Variants in JRKL observed in about 807,000 individuals in gnomAD.
The protein encoded by JRKL is JRK like.
In JRKL, 25 loss-of-function variants were observed where a neutral mutation model predicts 34.7. The ratio of observed to expected loss-of-function variants is 0.72; its 90% CI spans 0.53 to 1.01. The LOEUF is 1.01. Ranked by LOEUF, JRKL falls within the 50% of genes least tolerant of loss-of-function variation. The pLI, the probability that JRKL is intolerant of heterozygous loss-of-function variation, is 0.00. For missense variants in JRKL, 495 were observed against 615.7 expected, an observed-to-expected ratio of 0.80 and a Z score of 2.07; for synonymous variants, 204 against 212.8, an observed-to-expected ratio of 0.96 and a Z score of 0.36.
Position 96,391,520 on chromosome 11 carries a change from T to G in JRKL, c.871T>G (p.Leu291Val). 6.4e-7 allele frequency: 1 copy of G among 1,554,060 alleles called. No homozygotes were observed. Among genetic ancestry groups the G allele is most frequent in the Non-Finnish European group, 8.7e-7 (1 of 1,147,992 alleles). Residue 291 changes from leucine (L) to valine (V), a missense_variant, in exon 2 of 2, where the codon TTG (leucine) becomes GTG (valine). Coordinates refer to ENST00000332349, the MANE Select transcript of JRKL (RefSeq NM_001261833.2). ...CTTGCAGGAAAAGGCTGTGCTCTTG[T>G]TGGATAATTCACCAACACATCCAAA... ...KGLQEKAVLL[L>V]DNSPTHPNEN... is the part of the protein sequence containing the mutation.
Position 96,390,524 on chromosome 11 carries a change from C to A in JRKL, c.-126C>A. 1 of 1,256,074 alleles carries A rather than the reference C, an allele frequency of 8.0e-7. No individual in the cohort carries two copies. Among genetic ancestry groups the A allele is most frequent in the Non-Finnish European group, 1.1e-6 (1 of 931,632 alleles). The allele number at this position is 1,256,074 out of a possible 1,614,324, so 77.8% of individuals were successfully genotyped here. A position where few individuals can be genotyped will look rare whatever the true frequency, so the allele number is the denominator to read the frequency against. On this transcript the variant is annotated 5_prime_UTR_variant, in exon 2 of 2. Transcript: ENST00000332349. ...CCCCAGCCCGGGAGGGGATCAGGGC[C>A]ACCAGGTTGCTGGTAAGGATGAAAG...
In JRKL at chr11:96,392,758, T is replaced by TC. The variant is rs1471060670; in HGVS notation, c.*535dup. On this transcript the variant is annotated 3_prime_UTR_variant, in exon 2 of 2. Transcript: ENST00000332349. The stretch of plus-strand genomic sequence containing the variant: ...ATTATGAATTATAGAAATTATGCCT[T>TC]CATTCTCTTACATTTGTGTGGGTTG... 6.0e-6 allele frequency: 1 copy of TC among 167,096 alleles called. No individual in the cohort carries two copies. The highest frequency in any genetic ancestry group is 1.9e-4 in the East Asian group (1 of 5,208). 10.4% of individuals were successfully genotyped at this position (167,096 alleles called of 1,614,324 possible). A position where few individuals can be genotyped will look rare whatever the true frequency, so the allele number is the denominator to read the frequency against.
In JRKL at chr11:96,390,938, A is replaced by G. The variant is rs756299965; in HGVS notation, c.289A>G (p.Ile97Val). 5.0e-6 allele frequency: 8 copies of G among 1,614,126 alleles called. No homozygotes were observed. The highest frequency in any genetic ancestry group is 1.6e-4 in the Middle Eastern group (1 of 6,084). Residue 97 changes from isoleucine (I) to valine (V), a missense_variant, in exon 2 of 2, where the codon ATA (isoleucine) becomes GTA (valine). Transcript: ENST00000332349. ...CCAGCAAAGAGCAAAAGGGAATCCC[A>G]TATCTGGACCAATTTGTGCAAAAAG... ...FNQQRAKGNPISGPICAKRAE... is the reference protein window; with the variant it reads ...FNQQRAKGNPVSGPICAKRAE...
chr11:96,393,484 T>C lies in JRKL; in HGVS notation c.*1260T>C, dbSNP rs1347427720. On this transcript the variant is annotated 3_prime_UTR_variant, in exon 2 of 2. Coordinates refer to ENST00000332349, the MANE Select transcript of JRKL (RefSeq NM_001261833.2). ...ATGAATATTAATGTAACTTGTAATT[T>C]AAAAGTAAAGTGTTTCCATGCTATT... Among the ~76,000 whole-genome samples, 1 of 152,150 alleles carries C rather than the reference T, an allele frequency of 6.6e-6. No homozygotes were observed. The highest frequency in any genetic ancestry group is 2.4e-5 in the African/African-American group (1 of 41,466).
chr11:96,391,725 A>T lies in JRKL; in HGVS notation c.1076A>T (p.Lys359Met), dbSNP rs139015567. Reference protein sequence around the residue: ...EGNDLKSFWKKLTLLDALYEI... With the variant: ...EGNDLKSFWKMLTLLDALYEI... ...AATGACCTGAAATCATTCTGGAAGA[A>T]GCTAACTCTGTTGGATGCACTTTAT... is the stretch of plus-strand genomic sequence containing the variant. Residue 359 changes from lysine (K) to methionine (M), a missense_variant, in exon 2 of 2, where the codon AAG (lysine) becomes ATG (methionine). Transcript: ENST00000332349. The T allele has an allele frequency of 6.2e-7, 1 of 1,614,192 alleles. No individual in the cohort carries two copies. The highest frequency in any genetic ancestry group is 8.5e-7 in the Non-Finnish European group (1 of 1,180,026).
Position 96,390,913 on chromosome 11 carries a change from C to T in JRKL, c.264C>T (p.Asn88=). ...ACAGGGCAATGCTGGAATGGTTCAA[C>T]CAGCAAAGAGCAAAAGGGAATCCCA... ...ELDRAMLEWF[N]QQRAKGNPIS... Residue 88 remains asparagine (N), a synonymous_variant, in exon 2 of 2, where the codon AAC becomes AAT. Transcript: ENST00000332349. 1.9e-6 allele frequency: 3 copies of T among 1,614,204 alleles called. No individual in the cohort carries two copies. The highest frequency in any genetic ancestry group is 2.5e-6 in the Non-Finnish European group (3 of 1,180,052).
rs1281866449 is a variant in JRKL, at chr11:96,391,285, G to A, written c.636G>A (p.Met212Ile). 1.3e-6 allele frequency: 2 copies of A among 1,551,632 alleles called. No homozygotes were observed. The highest frequency in any genetic ancestry group is 2.0e-5 in the Admixed American group (1 of 51,020). The change falls in exon 2 of 2, where the codon ATG becomes ATA. Residue 212 changes from methionine (M) to isoleucine (I), a missense_variant. By Grantham distance (10) the Met-to-Ile change is conservative. Transcript: ENST00000332349. ...HKSIEERVTI[M>I]CCANATGLHK... ...CAATTGAAGAAAGAGTCACAATCAT[G>A]TGTTGTGCCAATGCAACAGGTTTAC...
chr11:96,392,038 T>C lies in JRKL; in HGVS notation c.1389T>C (p.Asn463=). The C allele has an allele frequency of 6.2e-7, 1 of 1,613,704 alleles. No homozygotes were observed. The highest frequency in any genetic ancestry group is 8.5e-7 in the Non-Finnish European group (1 of 1,179,926). ...GCCAGGCAGATGAATCCAGTGAAAA[T>C]GAGGAGGAGGAAATAGAACTAATTC... ...AQGQADESSE[N]EEEEIELIPE... is the part of the protein sequence containing the mutation. Residue 463 remains asparagine, a synonymous_variant, in exon 2 of 2, where the codon AAT becomes AAC. Transcript: ENST00000332349.
At position 96,391,127 on chromosome 11, in the gene JRKL, C is replaced by A. The variant is rs769156309; in HGVS notation, c.478C>A (p.Arg160=). 1.9e-6 allele frequency: 3 copies of A among 1,612,020 alleles called. No homozygotes were observed. Among genetic ancestry groups the A allele is most frequent in the Non-Finnish European group, 2.5e-6 (3 of 1,178,774 alleles). The change falls in exon 2 of 2, where the codon CGA becomes AGA. Residue 160 remains arginine, a synonymous_variant. Coordinates refer to ENST00000332349, the MANE Select transcript of JRKL (RefSeq NM_001261833.2). ...TAVEDFCNNF[R]DFIERENLQP... ...GGTGGAAGATTTTTGTAATAACTTT[C>A]GAGATTTTATTGAACGAGAGAATTT... is the stretch of plus-strand genomic sequence containing the variant.
Position 96,390,864 on chromosome 11 carries a change from A to G in JRKL, c.215A>G (p.Lys72Arg). ...CTTTTGGCCAAGAGGAAATCTATGA[A>G]GCCATCCATGTATGAGGAATTGGAC... ...TSLLAKRKSM[K>R]PSMYEELDRA... The change falls in exon 2 of 2, where the codon AAG (lysine) becomes AGG (arginine). Residue 72 changes from lysine to arginine, a missense_variant. By Grantham distance (26) the Lys-to-Arg change is conservative. Coordinates refer to ENST00000332349, the MANE Select transcript of JRKL (RefSeq NM_001261833.2). 6.2e-7 allele frequency: 1 copy of G among 1,613,942 alleles called. No individual in the cohort carries two copies. The highest frequency in any genetic ancestry group is 8.5e-7 in the Non-Finnish European group (1 of 1,179,982).
chr11:96,390,395 C>T (rs1340751176), intron 1 of JRKL, 88 bp from the exon 2 acceptor site: 4 of 379,228 alleles, frequency 1.1e-5, no homozygotes, highest in Non-Finnish European at 1.9e-5. Flanking sequence ...GGATTATCCG[C>T]GGTGACATGG....
Position 96,392,408 on chromosome 11 carries a change from C to T in JRKL, c.*184C>T, listed in dbSNP as rs1198607017. The T allele has an allele frequency of 7.2e-6, 6 of 830,142 alleles. No individual in the cohort carries two copies. Among genetic ancestry groups the T allele is most frequent in the Non-Finnish European group, 1.1e-5 (6 of 561,994 alleles). 51.4% of individuals were successfully genotyped at this position (830,142 alleles called of 1,614,324 possible). A position where few individuals can be genotyped will look rare whatever the true frequency, so the allele number is the denominator to read the frequency against. On this transcript the variant is annotated 3_prime_UTR_variant, in exon 2 of 2. Transcript: ENST00000332349. ...TGTGTCTTTTGTCCTTTTATTTGTA[C>T]AGATAATCAGAAGATGATACTGAAT...
In JRKL at chr11:96,391,924, T is replaced by C. The variant is rs756059498; in HGVS notation, c.1275T>C (p.Thr425=). 6.2e-7 allele frequency: 1 copy of C among 1,614,184 alleles called. No homozygotes were observed. The highest frequency in any genetic ancestry group is 8.5e-7 in the Non-Finnish European group (1 of 1,180,024). ...CCAAAGGATTGGAAAATGTGACTAC[T>C]GAGAACCTTGAAAAATGGCTTGAAG... ...QHTKGLENVT[T]ENLEKWLEVD... is the part of the protein sequence containing the mutation. The change falls in exon 2 of 2, where the codon ACT becomes ACC. Residue 425 remains threonine (T), a synonymous_variant. Transcript: ENST00000332349.
chr11:96,393,091 G>A lies in JRKL; in HGVS notation c.*867G>A, dbSNP rs1362568060. The stretch of plus-strand genomic sequence containing the variant: ...GATGATATGAGCTCCCACCTTATAT[G>A]GGGGAACATCTTGGGAATTTGAGAT... On this transcript the variant is annotated 3_prime_UTR_variant, in exon 2 of 2. Coordinates refer to ENST00000332349, the MANE Select transcript of JRKL (RefSeq NM_001261833.2). 1.8e-5 allele frequency: 3 copies of A among 164,088 alleles called. No homozygotes were observed. Among genetic ancestry groups the A allele is most frequent in the African/African-American group, 7.4e-5 (3 of 40,736 alleles). 10.2% of individuals were successfully genotyped at this position (164,088 alleles called of 1,614,324 possible). A position where few individuals can be genotyped will look rare whatever the true frequency, so the allele number is the denominator to read the frequency against.
chr11:96,390,311 G>C (rs1565331989), intron 1 of JRKL, among the ~76,000 whole-genome samples, 172 bp from the exon 2 acceptor site: 1 of 152,182 alleles, frequency 6.6e-6, no homozygotes, highest in East Asian at 1.9e-4. Context: ...TGGACGTGCA[G>C]GAGGTTCGTG....
rs540871074 is a variant in JRKL at position 96,392,320 on chromosome 11, T to C, written c.*96T>C. 6.9e-7 allele frequency: 1 copy of C among 1,447,022 alleles called. No homozygotes were observed. The allele number at this position is 1,447,022 out of a possible 1,614,324, so 89.6% of individuals were successfully genotyped here. A position where few individuals can be genotyped will look rare whatever the true frequency, so the allele number is the denominator to read the frequency against. Reference sequence around the variant, plus strand: ...TTGTGTTCTGAATTCTCAGACTTGGTCCTGTGAAATACAGGCACAAAATGT... The same window carrying C: ...TTGTGTTCTGAATTCTCAGACTTGGCCCTGTGAAATACAGGCACAAAATGT... On this transcript the variant is annotated 3_prime_UTR_variant, in exon 2 of 2. Transcript: ENST00000332349.
At position 96,390,916 on chromosome 11, in the gene JRKL, G is replaced by A. The variant is rs1866514370; in HGVS notation, c.267G>A (p.Gln89=). 3 of 1,614,236 alleles carry A rather than the reference G, an allele frequency of 1.9e-6. No individual in the cohort carries two copies. Among genetic ancestry groups the A allele is most frequent in the Admixed American group, 1.7e-5 (1 of 60,030 alleles). ...GGGCAATGCTGGAATGGTTCAACCA[G>A]CAAAGAGCAAAAGGGAATCCCATAT... is the stretch of plus-strand genomic sequence containing the variant. ...LDRAMLEWFN[Q]QRAKGNPISG... The change falls in exon 2 of 2, where the codon CAG becomes CAA. Residue 89 remains glutamine (Q), a synonymous_variant. Transcript: ENST00000332349.
rs1289597878 is a variant in JRKL at position 96,392,790 on chromosome 11, G to A, written c.*566G>A. 1 of 166,984 alleles carries A rather than the reference G, an allele frequency of 6.0e-6. No individual in the cohort carries two copies. Among genetic ancestry groups the A allele is most frequent in the Non-Finnish European group, 1.5e-5 (1 of 68,076 alleles). 10.3% of individuals were successfully genotyped at this position (166,984 alleles called of 1,614,324 possible). A position where few individuals can be genotyped will look rare whatever the true frequency, so the allele number is the denominator to read the frequency against. ...CTTACATTTGTGTGGGTTGCAAGAG[G>A]GGGAGATTATTCTGGAAATGAAGTA... On this transcript the variant is annotated 3_prime_UTR_variant, in exon 2 of 2. Transcript: ENST00000332349.
rs548503596 is a variant in JRKL at position 96,391,633 on chromosome 11, G to A, written c.984G>A (p.Gln328=). The change falls in exon 2 of 2, where the codon CAG becomes CAA. Residue 328 remains glutamine, a synonymous_variant. Transcript: ENST00000332349. ...NVASLIQPSD[Q]GVIATMKRNY... is the part of the protein sequence containing the mutation. ...CCTCATTGATTCAGCCTTCAGATCA[G>A]GGAGTCATAGCAACGATGAAGAGAA... The A allele has an allele frequency of 1.2e-5, 20 of 1,614,014 alleles. No individual in the cohort carries two copies. The East Asian group carries it at 4.5e-4, about 36-fold the overall frequency.
Sources: gnomAD v4.1 joint callset for allele counts (sites outside exome capture counted in the v4.1 genomes callset) on GRCh38, gnomAD v4.1.1 for gene constraint, MANE v1.5 for transcripts, NCBI Gene and HGNC (gene_info 2026-07-23, HGNC 2026-07-21) for gene names.